The following GK variants were observed in gnomAD, a reference collection of about 807,000 sequenced individuals.
GK encodes the protein glycerol kinase, also known as ATP:glycerol 3-phosphotransferase.
Under a neutral mutation model 56.4 loss-of-function variants are expected in GK, and 9 were observed. The observed-to-expected ratio is 0.16, with a 90% CI of 0.10 to 0.28. The LOEUF is 0.28. GK is among the 10% of genes least tolerant of loss of function. The pLI, the probability that GK is intolerant of heterozygous loss-of-function variation, is 1.00. For missense variants in GK, 161 were observed against 431.4 expected, an observed-to-expected ratio of 0.37 and a Z score of 5.55; for synonymous variants, 104 against 144.1, an observed-to-expected ratio of 0.72 and a Z score of 1.99.
intron 3 of GK, among the ~76,000 whole-genome samples, chrX:30,669,945 G>T (rs1384322278): frequency 4.4e-5 from 5 of 112,366 alleles, no homozygotes. Context: ...TTCTGTTATT[G>T]CAGATTTTTT....
At chrX:30,662,843 TTCTTTCTTTCTTTCTTTCTTTCTTTC>T (rs202029566) in intron 1 of GK, among the ~76,000 whole-genome samples, 1,589 of 36,511 alleles carry the variant, frequency 0.044, 43 homozygotes, top group African/African-American at 0.12. Context: ...CTTTCTTTCT[TTCTTTCTTTCTTTCTTTCTTTCTTTC>T]TCTTTCTTTC....
At chrX:30,710,891 G>A (rs1475962609) in intron 13 of GK, among the ~76,000 whole-genome samples, 2 of 110,497 alleles carry the variant, frequency 1.8e-5, no homozygotes, top group African/African-American at 3.3e-5. Context: ...TTAATCTCCC[G>A]ACCATGATAA....
chrX:30,714,426 C>T (rs1200049930), intron 13 of GK, among the ~76,000 whole-genome samples: 4 of 111,404 alleles, frequency 3.6e-5, no homozygotes, highest in Non-Finnish European at 7.5e-5. Context: ...AGGTTATTGG[C>T]AAAATTCAGT....
At chrX:30,703,679 G>A (rs1385818737) in intron 11 of GK, among the ~76,000 whole-genome samples, 2 of 111,298 alleles carry the variant, frequency 1.8e-5, no homozygotes, top group African/African-American at 3.3e-5. Flanking sequence ...AGAAATTTTT[G>A]GCCAGGCACA....
chrX:30,670,287 C>A lies in GK; in HGVS notation c.259+2169C>A, dbSNP rs1462283418. On this transcript the variant is annotated intron_variant, in intron 3 of 20. Transcript: ENST00000427190. ...GATTGACCATGGCTTTGACATCATT[C>A]TACCTCCCTTACAGGTAAGGTAGGT... is the stretch of plus-strand genomic sequence containing the variant. Among the ~76,000 whole-genome samples, 3 of 112,300 alleles carry A rather than the reference C, an allele frequency of 2.7e-5. No individual in the cohort carries two copies. In the East Asian group the frequency reaches 8.4e-4, roughly 31 times the overall value.
At chrX:30,719,936 C>T (rs1321499400) in intron 15 of GK, 75 bp from the exon 16 acceptor site, 2 of 704,394 alleles carry the variant, frequency 2.8e-6, no homozygotes, top group African/African-American at 4.2e-5. Context: ...CAAATTTGAC[C>T]TTTTCATATT....
chrX:30,660,829 T>C lies in GK; in HGVS notation c.79-4682T>C, dbSNP rs971501350. On this transcript the variant is annotated intron_variant, in intron 1 of 20. Transcript: ENST00000427190. ...TCTTTCTTCTTTTTTTTTTTTTTTT[T>C]CCGAGACGGAGTCTCGCTCTGTTAC... Among the ~76,000 whole-genome samples, 21 of 89,490 alleles carry C rather than the reference T, an allele frequency of 2.3e-4. 1 individual carries two copies. In the East Asian group the frequency reaches 4.5e-3, roughly 19 times the overall value. The allele number at this position is 89,490 out of a possible 115,157, so 77.7% of individuals were successfully genotyped here. A position where few individuals can be genotyped will look rare whatever the true frequency, so the allele number is the denominator to read the frequency against.
At chrX:30,677,662 TA>T (rs1934000668) in intron 4 of GK, among the ~76,000 whole-genome samples, 1 of 109,664 alleles carries the variant, frequency 9.1e-6, no homozygotes, top group African/African-American at 3.3e-5. Context: ...CCATCTCTAC[TA>T]AAAATACAAA....
chrX:30,680,605 A>G (rs1464288690), intron 4 of GK, among the ~76,000 whole-genome samples: 1 of 112,261 alleles, frequency 8.9e-6, no homozygotes, highest in African/African-American at 3.2e-5. Context: ...AGCTGGATGA[A>G]AATGAAATAA....
intron 3 of GK, chrX:30,672,159 C>CAAAAAAAAAA (rs66675920): frequency 2.4e-4 from 5 of 21,173 alleles, no homozygotes; most frequent in African/African-American, 4.1e-4. Context: ...AACTCCATCT[C>CAAAAAAAAAA]AAAAAAAAAA....
intron 4 of GK, among the ~76,000 whole-genome samples, chrX:30,690,086 G>A (rs1934854021): frequency 8.9e-6 from 1 of 111,749 alleles, no homozygotes; most frequent in African/African-American, 3.3e-5. Flanking sequence ...ATTTACTACA[G>A]GAAATAACTG....
chrX:30,669,176 C>A (rs150253781), intron 3 of GK, among the ~76,000 whole-genome samples: 1 of 106,201 alleles, frequency 9.4e-6, no homozygotes, highest in Non-Finnish European at 1.9e-5. Context: ...TCTGAGAAGT[C>A]CTAGTAGTTT....
intron 13 of GK, among the ~76,000 whole-genome samples, chrX:30,715,370 A>C (rs1225618812): frequency 8.9e-6 from 1 of 112,151 alleles, no homozygotes; most frequent in Non-Finnish European, 1.9e-5. Context: ...CTACATGTCT[A>C]GTTTTAAAAT....
intron 1 of GK, among the ~76,000 whole-genome samples, chrX:30,657,248 A>C (rs942131857): frequency 4.4e-5 from 5 of 112,660 alleles, no homozygotes; most frequent in African/African-American, 1.6e-4. Flanking sequence ...AGTAGTAGAC[A>C]TACAATAGAA....
Position 30,665,424 on chromosome X carries a change from T to G in GK, c.79-87T>G, listed in dbSNP as rs750309971. 186 of 581,680 alleles carry G rather than the reference T, an allele frequency of 3.2e-4. No homozygotes were observed. In the Middle Eastern group the frequency reaches 5.8e-3, roughly 18 times the overall value. The allele number at this position is 581,680 out of a possible 1,213,427, so 47.9% of individuals were successfully genotyped here. On this transcript the variant is annotated intron_variant, in intron 1 of 20. Coordinates refer to ENST00000427190, the MANE Select transcript of GK (RefSeq NM_001205019.2). ...CATCTAATTGGACTTTTTCTACCAG[T>G]GAACAAGAACTTCAGTTACTGAATA... is the stretch of plus-strand genomic sequence containing the variant.
chrX:30,684,352 A>G (rs1934460512), intron 4 of GK, among the ~76,000 whole-genome samples: 1 of 110,859 alleles, frequency 9.0e-6, no homozygotes. Context: ...GTAGAGCACA[A>G]TTCTTGATTT....
intron 13 of GK, among the ~76,000 whole-genome samples, chrX:30,714,140 C>T (rs771758436): frequency 8.9e-6 from 1 of 112,009 alleles, no homozygotes; most frequent in Non-Finnish European, 1.9e-5. Context: ...ACGATTATAG[C>T]GTTAAGATTT....
intron 5 of GK, among the ~76,000 whole-genome samples, chrX:30,692,078 T>C (rs1178958389): frequency 1.5e-5 from 1 of 65,389 alleles, no homozygotes; most frequent in Non-Finnish European, 4.0e-5. Context: ...TTTTCTGTTT[T>C]TGTTTTTTGT....
At chrX:30,723,162 G>A (rs1378844278) in intron 18 of GK, among the ~76,000 whole-genome samples, 2 of 111,322 alleles carry the variant, frequency 1.8e-5, no homozygotes, top group Non-Finnish European at 3.8e-5. Flanking sequence ...TTGGGAAGCC[G>A]AGGCGGGCGG....
Sources: allele counts gnomAD v4.1 joint callset (sites outside exome capture counted in the v4.1 genomes callset), GRCh38; gene constraint gnomAD v4.1.1; transcripts MANE v1.5; gene names NCBI Gene and HGNC (gene_info 2026-07-23, HGNC 2026-07-21).